The following MTR variants were observed in gnomAD, a reference collection of about 807,000 sequenced individuals.
MTR encodes 5-methyltetrahydrofolate-homocysteine methyltransferase.
A neutral mutation model predicts 154.8 loss-of-function variants in MTR; 84 were observed. The observed-to-expected ratio is 0.54, with a 90% CI of 0.45 to 0.65. The LOEUF (loss-of-function observed/expected upper bound fraction) is 0.65, where lower values mean the gene tolerates loss of function less well. Among genes scored for constraint, MTR ranks in the 30% least tolerant of loss-of-function variants. MTR has a pLI of 0.00. For missense variants in MTR, 1,275 were observed against 1,570.2 expected (o/e 0.81, Z 3.18); for synonymous variants, 554 against 553.9 (o/e 1.00, Z 0.00).
chr1:236,807,931 A>C (rs1275469323), intron 3 of MTR, among the ~76,000 whole-genome samples: 1 of 152,242 alleles, frequency 6.6e-6, no homozygotes, highest in Non-Finnish European at 1.5e-5. Context: ...AAAACTATTT[A>C]CAAAAACAGG....
intron 1 of MTR, among the ~76,000 whole-genome samples, chr1:236,802,278 G>A (rs1174351743): frequency 6.6e-6 from 1 of 152,162 alleles, no homozygotes; most frequent in Non-Finnish European, 1.5e-5. Context: ...ATTAGATTGA[G>A]GGGCAGGTGG....
intron 1 of MTR, among the ~76,000 whole-genome samples, chr1:236,801,092 C>G (rs1660677329): frequency 6.6e-6 from 1 of 152,208 alleles, no homozygotes; most frequent in African/African-American, 2.4e-5. Context: ...TCGACTATAG[C>G]TTGAAATGGC....
Position 236,825,618 on chromosome 1 carries a change from G to A in MTR, c.927+219G>A, listed in dbSNP as rs773630162. Among the ~76,000 whole-genome samples, 82 of 152,244 alleles carry A rather than the reference G, an allele frequency of 5.4e-4. 2 individuals are homozygous for A. Among genetic ancestry groups the A allele is most frequent in the Non-Finnish European group, 9.4e-4 (64 of 68,000 alleles). ...CACTAGTGGCTGCTGGAAAATTCTC[G>A]TTGAGGTCCACTCCAAACTAATTGA... On this transcript the variant is annotated intron_variant, in intron 10 of 32. Transcript: ENST00000366577.
intron 6 of MTR, among the ~76,000 whole-genome samples, chr1:236,815,357 C>A (rs1228196181): frequency 6.6e-6 from 1 of 152,172 alleles, no homozygotes; most frequent in African/African-American, 2.4e-5. Flanking sequence ...TCAGCTCCTC[C>A]TCAGTGGAAA....
chr1:236,891,209 C>T lies in MTR; in HGVS notation c.3084C>T (p.Ala1028=), dbSNP rs1443577710. 2 of 1,613,986 alleles carry T rather than the reference C, an allele frequency of 1.2e-6. No individual in the cohort carries two copies. The highest frequency in any genetic ancestry group is 1.7e-5 in the Admixed American group (1 of 60,002). The part of the protein sequence containing the change: ...NTLISQKKLR[A]RGVVGFWPAQ... ...TGATTAGTCAAAAGAAACTCCGGGC[C>T]CGGGGTGTGGTTGGGTTCTGGCCAG... is the stretch of plus-strand genomic sequence containing the variant. Residue 1028 remains alanine (A), a synonymous_variant, in exon 29 of 33, where the codon GCC becomes GCT. Transcript: ENST00000366577.
At chr1:236,816,244 T>G (rs1001327567) in intron 7 of MTR, among the ~76,000 whole-genome samples, 5 of 152,068 alleles carry the variant, frequency 3.3e-5, no homozygotes, top group Admixed American at 1.3e-4. Flanking sequence ...TGTCTCTGTT[T>G]CTGTGGCTTC....
intron 27 of MTR, 96 bp from the exon 28 acceptor site, chr1:236,889,085 G>A: frequency 1.4e-6 from 2 of 1,446,048 alleles, no homozygotes; most frequent in Non-Finnish European, 1.9e-6. Flanking sequence ...GGGAGGCGGA[G>A]TGTGGGAGTT....
At chr1:236,892,228 T>TA (rs1666367089) in intron 29 of MTR, among the ~76,000 whole-genome samples, 2 of 152,184 alleles carry the variant, frequency 1.3e-5, no homozygotes, top group Non-Finnish European at 2.9e-5. Flanking sequence ...TCCCAGCACT[T>TA]TGAGAGGCCA....
chr1:236,873,739 A>G (rs1279293559), intron 22 of MTR, 34 bp from the exon 23 acceptor site: 1 of 1,582,668 alleles, frequency 6.3e-7, no homozygotes, highest in East Asian at 2.2e-5. Context: ...ATGGGCTTTC[A>G]TTAATTTTCT....
chr1:236,860,645 C>T (rs993910511), intron 19 of MTR, among the ~76,000 whole-genome samples: 2 of 152,130 alleles, frequency 1.3e-5, no homozygotes, highest in Non-Finnish European at 2.9e-5. Flanking sequence ...AGTGAGAAAA[C>T]TTACTGATTT....
intron 1 of MTR, among the ~76,000 whole-genome samples, chr1:236,796,277 C>G (rs1173795225): frequency 6.6e-6 from 1 of 152,200 alleles, no homozygotes; most frequent in African/African-American, 2.4e-5. Context: ...GCAGACCCCA[C>G]CTCCAGATAC....
chr1:236,892,605 C>T (rs1572344276), intron 29 of MTR, among the ~76,000 whole-genome samples: 1 of 152,268 alleles, frequency 6.6e-6, no homozygotes, highest in East Asian at 1.9e-4. Context: ...TTCAGCAGTA[C>T]CATGAAGAAT....
At chr1:236,809,169 T>G (rs777557035) in intron 4 of MTR, among the ~76,000 whole-genome samples, 1 of 152,240 alleles carries the variant, frequency 6.6e-6, no homozygotes, top group Non-Finnish European at 1.5e-5. Context: ...CTCATTTTTT[T>G]AAAGCCACCC....
intron 25 of MTR, among the ~76,000 whole-genome samples, chr1:236,881,675 C>T (rs563071166): frequency 2.3e-4 from 35 of 152,232 alleles, no homozygotes; most frequent in South Asian, 8.3e-4. Context: ...TGATGCCATG[C>T]GACCTGGACT....
At chr1:236,897,269 C>T in intron 32 of MTR, 151 bp downstream of exon 32, 3 of 678,328 alleles carry the variant, frequency 4.4e-6, no homozygotes, top group Admixed American at 4.4e-5. Flanking sequence ...AATAGAATAC[C>T]TCTATTCTAG....
intron 1 of MTR, among the ~76,000 whole-genome samples, chr1:236,798,200 C>T (rs1234303308): frequency 6.6e-6 from 1 of 152,212 alleles, no homozygotes; most frequent in Non-Finnish European, 1.5e-5. Context: ...CCATTTAGCA[C>T]AGTGGAAAGA....
chr1:236,838,569 G>A lies in MTR; in HGVS notation c.1485G>A (p.Met495Ile), dbSNP rs2229275. Residue 495 changes from methionine to isoleucine, a missense_variant, in exon 15 of 33, where the codon ATG becomes ATA. Coordinates refer to ENST00000366577, the MANE Select transcript of MTR (RefSeq NM_000254.3). ...AGATTAAAAAGTATGGAGCTGCTAT[G>A]GTGGTCATGGCTTTTGATGAAGAAG... ...ARKIKKYGAAMVVMAFDEEGQ... is the reference protein window; with the variant it reads ...ARKIKKYGAAIVVMAFDEEGQ... 4.2e-4 allele frequency: 679 copies of A among 1,614,106 alleles called. 4 individuals carry two copies. The African/African-American group carries it at 7.9e-3, about 19-fold the overall frequency.
chr1:236,807,438 T>G (rs1462624711), intron 3 of MTR, among the ~76,000 whole-genome samples: 1 of 152,192 alleles, frequency 6.6e-6, no homozygotes, highest in Non-Finnish European at 1.5e-5. Flanking sequence ...CCTCCCAAAG[T>G]GCTGGGATTA....
rs879344996 is a variant in MTR, at chr1:236,899,799, G to C, written c.*2155G>C. The C allele has an allele frequency of 1.3e-5, 2 of 152,134 alleles. No individual in the cohort carries two copies. Among genetic ancestry groups the C allele is most frequent in the Non-Finnish European group, 2.9e-5 (2 of 68,052 alleles). The allele number at this position is 152,134 out of a possible 1,614,324, so 9.4% of individuals were successfully genotyped here. A position where few individuals can be genotyped will look rare whatever the true frequency, so the allele number is the denominator to read the frequency against. ...TTTAAAAAAATAGAAAAATAGTGAA[G>C]ACTACACAAGAGGAAATAGGGCTTT... On this transcript the variant is annotated 3_prime_UTR_variant, in exon 33 of 33. Transcript: ENST00000366577.
Sources: allele counts gnomAD v4.1 joint callset (sites outside exome capture counted in the v4.1 genomes callset), GRCh38; gene constraint gnomAD v4.1.1; transcripts MANE v1.5; gene names NCBI Gene and HGNC (gene_info 2026-07-23, HGNC 2026-07-21).